The following RIC8B variants were observed in gnomAD, a reference collection of about 807,000 sequenced individuals.
The protein encoded by RIC8B is RIC8 guanine nucleotide exchange factor B.
In RIC8B, 16 loss-of-function variants were observed where a neutral mutation model predicts 57.5. The ratio of observed to expected loss-of-function variants is 0.28; its 90% CI spans 0.19 to 0.42. RIC8B has a LOEUF of 0.42. RIC8B is among the 10% of genes least tolerant of loss of function. The probability of loss-of-function intolerance (pLI) is 1.00; values close to 1 mark genes in which losing one functional copy is unlikely to be tolerated. For synonymous variants in RIC8B, 216 were observed against 250.8 expected, an observed-to-expected ratio of 0.86 and a Z score of 1.31; for missense variants, 481 against 677.0, an observed-to-expected ratio of 0.71 and a Z score of 3.21.
At chr12:106,844,095 T>C (rs1949079613) in intron 6 of RIC8B, 148 bp downstream of exon 6, 3 of 659,712 alleles carry the variant, frequency 4.5e-6, no homozygotes, top group Non-Finnish European at 5.2e-6. Flanking sequence ...TCAAGAAGTG[T>C]GTATTTTTTG....
Position 106,854,753 on chromosome 12 carries a change from C to T in RIC8B, c.1306+3159C>T, listed in dbSNP as rs1949643236. 2.0e-5 allele frequency among the ~76,000 whole-genome samples: 3 copies of T among 152,048 alleles called. No individual in the cohort carries two copies. The South Asian group carries it at 6.2e-4, about 32-fold the overall frequency. On this transcript the variant is annotated intron_variant, in intron 7 of 9. Transcript: ENST00000392837. ...GCAGTGAGCTGAGATCACGCCACTGCACTCCAGCCTGGTGACAGAGCAAGA... is the reference window on the plus strand; with the variant it reads ...GCAGTGAGCTGAGATCACGCCACTGTACTCCAGCCTGGTGACAGAGCAAGA...
intron 2 of RIC8B, among the ~76,000 whole-genome samples, chr12:106,795,722 G>C (rs1211564688): frequency 2.0e-5 from 3 of 152,100 alleles, no homozygotes; most frequent in Non-Finnish European, 4.4e-5. Context: ...CGATTTTACA[G>C]GCTGCTCTTT....
At chr12:106,780,355 G>A (rs2043710660) in intron 1 of RIC8B, among the ~76,000 whole-genome samples, 1 of 152,200 alleles carries the variant, frequency 6.6e-6, no homozygotes, top group South Asian at 2.1e-4. Flanking sequence ...AGACAGATAG[G>A]TAGGTCTCTA....
intron 3 of RIC8B, chr12:106,823,529 C>T: frequency 2.3e-6 from 1 of 442,890 alleles, no homozygotes; most frequent in Non-Finnish European, 4.5e-6. Context: ...TCAACATCAG[C>T]ATGAAAAGAG....
rs1273459375 is a variant in RIC8B, at chr12:106,888,082, AT to A, written c.*2070del. 1 of 152,604 alleles carries A rather than the reference AT, an allele frequency of 6.6e-6. No individual in the cohort carries two copies. The highest frequency in any genetic ancestry group is 1.5e-5 in the Non-Finnish European group (1 of 68,034). The allele number at this position is 152,604 out of a possible 1,614,324, so 9.5% of individuals were successfully genotyped here. ...AATGCATTTTTAAAGTATTTTTATAATTTCTATAATCAAATAGCTTTGGCAT... is the reference window on the plus strand; with the variant it reads ...AATGCATTTTTAAAGTATTTTTATAATTCTATAATCAAATAGCTTTGGCAT... On this transcript the variant is annotated 3_prime_UTR_variant, in exon 10 of 10. Transcript: ENST00000392837.
chr12:106,849,372 C>T (rs911924726), intron 6 of RIC8B, among the ~76,000 whole-genome samples: 10 of 149,028 alleles, frequency 6.7e-5, no homozygotes, highest in African/African-American at 4.9e-5. Context: ...AGGCTGGTCT[C>T]GAGCTCCTGG....
At chr12:106,782,734 A>G (rs1488869038) in intron 1 of RIC8B, among the ~76,000 whole-genome samples, 6 of 152,146 alleles carry the variant, frequency 3.9e-5, no homozygotes, top group South Asian at 2.1e-4. Flanking sequence ...TTTTCTGCCA[A>G]CATTTCTCTA....
At chr12:106,799,399 AGTT>A (rs2044629738) in intron 2 of RIC8B, among the ~76,000 whole-genome samples, 1 of 152,180 alleles carries the variant, frequency 6.6e-6, no homozygotes, top group South Asian at 2.1e-4. Context: ...TATAAGCCCT[AGTT>A]GTTATCCCTA....
intron 2 of RIC8B, among the ~76,000 whole-genome samples, chr12:106,785,377 C>T (rs1287724147): frequency 1.3e-5 from 2 of 152,154 alleles, no homozygotes; most frequent in Non-Finnish European, 2.9e-5. Flanking sequence ...AGCAAGCCTC[C>T]TCTGACATTC....
chr12:106,794,576 A>C (rs921716790), intron 2 of RIC8B, among the ~76,000 whole-genome samples: 4 of 152,306 alleles, frequency 2.6e-5, no homozygotes, highest in African/African-American at 9.6e-5. Context: ...AAGGTCAATA[A>C]GATTCACAGC....
In RIC8B at chr12:106,886,064, C is replaced by T. The variant is rs201244278; in HGVS notation, c.*49C>T. 6.4e-5 allele frequency: 82 copies of T among 1,285,924 alleles called. No homozygotes were observed. The East Asian group carries it at 1.9e-3, about 29-fold the overall frequency. The allele number at this position is 1,285,924 out of a possible 1,614,324, so 79.7% of individuals were successfully genotyped here. On this transcript the variant is annotated 3_prime_UTR_variant, in exon 10 of 10. Transcript: ENST00000392837. ...ATATTGCTTTATCAGCATCTTTTCTCTGTAGCTCCAGGGGAATCTTTTCTC... is the reference window on the plus strand; with the variant it reads ...ATATTGCTTTATCAGCATCTTTTCTTTGTAGCTCCAGGGGAATCTTTTCTC...
intron 8 of RIC8B, among the ~76,000 whole-genome samples, chr12:106,865,739 C>CTGT (rs1053043198): frequency 1.3e-5 from 2 of 152,122 alleles, no homozygotes; most frequent in African/African-American, 4.8e-5. Flanking sequence ...CTCAAAACAG[C>CTGT]TGTTAGTGGG....
At chr12:106,797,925 A>G in intron 2 of RIC8B, 1 of 602,648 alleles carries the variant, frequency 1.7e-6, no homozygotes. Flanking sequence ...TAATAATTGG[A>G]TTGACCTGTT....
intron 2 of RIC8B, among the ~76,000 whole-genome samples, chr12:106,790,859 A>G (rs571137687): frequency 6.6e-6 from 1 of 152,342 alleles, no homozygotes; most frequent in South Asian, 2.1e-4. Flanking sequence ...AAAGTAGCCA[A>G]ATATCAAGCA....
At position 106,889,222 on chromosome 12, in the gene RIC8B, G is replaced by A. The variant is rs549412897; in HGVS notation, c.*3207G>A. The A allele has an allele frequency of 3.0e-4, 46 of 152,100 alleles. No homozygotes were observed. The highest frequency in any genetic ancestry group is 9.9e-4 in the African/African-American group (41 of 41,488). 9.4% of individuals were successfully genotyped at this position (152,100 alleles called of 1,614,324 possible). Reference sequence around the variant, plus strand: ...GCATATATAATTTATTTTACTACAAGATTGGGATCATGCTGTATTTACAGA... The same window carrying A: ...GCATATATAATTTATTTTACTACAAAATTGGGATCATGCTGTATTTACAGA... On this transcript the variant is annotated 3_prime_UTR_variant, in exon 10 of 10. Coordinates refer to ENST00000392837, the MANE Select transcript of RIC8B (RefSeq NM_001330145.2).
intron 3 of RIC8B, among the ~76,000 whole-genome samples, chr12:106,820,048 T>C (rs2045769798): frequency 6.6e-6 from 1 of 152,158 alleles, no homozygotes; most frequent in African/African-American, 2.4e-5. Context: ...ATATTGTTGG[T>C]TTATACCTTT....
chr12:106,870,954 C>A lies in RIC8B; in HGVS notation c.1571+12C>A. 1.9e-6 allele frequency: 3 copies of A among 1,543,306 alleles called. No homozygotes were observed. The highest frequency in any genetic ancestry group is 1.7e-6 in the Non-Finnish European group (2 of 1,143,180). On this transcript the variant is annotated intron_variant, in intron 9 of 9. Transcript: ENST00000392837. Reference sequence around the variant, plus strand: ...GATAAACTTTCCAGGTATTGTATTCCCATCCATTTTTTGCTTGGTTTCTAA... The same window carrying A: ...GATAAACTTTCCAGGTATTGTATTCACATCCATTTTTTGCTTGGTTTCTAA...
intron 9 of RIC8B, 67 bp from the exon 10 acceptor site, chr12:106,885,837 G>A (rs118045072): frequency 7.2e-6 from 7 of 971,474 alleles, no homozygotes; most frequent in African/African-American, 4.8e-5. Flanking sequence ...ATTTGGGTGG[G>A]GGGGAGGGGT....
Position 106,825,816 on chromosome 12 carries a change from C to T in RIC8B, c.832C>T (p.His278Tyr), listed in dbSNP as rs1566093544. 6.2e-7 allele frequency: 1 copy of T among 1,602,170 alleles called. No homozygotes were observed. Among genetic ancestry groups the T allele is most frequent in the Non-Finnish European group, 8.6e-7 (1 of 1,169,236 alleles). The change falls in exon 4 of 10, where the codon CAC becomes TAC. Residue 278 changes from histidine to tyrosine, a missense_variant. This residue lies in a region of RIC8B where 421 missense variants were observed against 560.9 expected (regional missense o/e 0.75). Transcript: ENST00000392837. ...GPTEDKTEEL[H>Y]SNAVNLLSNV... ...AACTGAAGACAAAACAGAAGAGCTA[C>T]ACAGGTGGGTAAGCTCTGTATTGAT... is the stretch of plus-strand genomic sequence containing the variant.
Sources: allele counts gnomAD v4.1 joint callset (sites outside exome capture counted in the v4.1 genomes callset), GRCh38; gene constraint gnomAD v4.1.1; regional missense constraint gnomAD v4.1.1; transcripts MANE v1.5; gene names NCBI Gene and HGNC (gene_info 2026-07-23, HGNC 2026-07-21).